SIPA1L1: variants seen among roughly 807,000 people sequenced by gnomAD.
SIPA1L1 encodes the protein signal induced proliferation associated 1 like 1, also known as signal-induced proliferation-associated 1-like protein 1.
A neutral mutation model predicts 162.7 loss-of-function variants in SIPA1L1; 26 were observed. The observed-to-expected ratio is 0.16, with a 90% CI of 0.12 to 0.22. The LOEUF (loss-of-function observed/expected upper bound fraction) is 0.22, where lower values mean the gene tolerates loss of function less well. Ranked by LOEUF, SIPA1L1 falls within the 10% of genes least tolerant of loss-of-function variation. The pLI is 1.00. For missense variants in SIPA1L1, 1,874 were observed against 2,241.0 expected (o/e 0.84, Z 3.31); for synonymous variants, 829 against 837.4 (o/e 0.99, Z 0.17).
At chr14:71,391,515 C>T (rs1052721240) in intron 2 of SIPA1L1, among the ~76,000 whole-genome samples, 2 of 152,264 alleles carry the variant, frequency 1.3e-5, no homozygotes, top group Middle Eastern at 6.8e-3. Context: ...CAGGTAAATG[C>T]TGCTTATGAG....
intron 2 of SIPA1L1, among the ~76,000 whole-genome samples, chr14:71,489,139 G>GATTTA (rs1174333662): frequency 6.6e-6 from 1 of 152,174 alleles, no homozygotes; most frequent in African/African-American, 2.4e-5. Context: ...TTTAAATGGA[G>GATTTA]GTCAGATTTA....
intron 2 of SIPA1L1, among the ~76,000 whole-genome samples, chr14:71,370,197 A>G (rs1400724692): frequency 5.0e-5 from 7 of 139,048 alleles, no homozygotes; most frequent in African/African-American, 1.3e-4. Context: ...TTCCAACACT[A>G]TGTTGAATAG....
intron 13 of SIPA1L1, 23 bp from the exon 14 acceptor site, chr14:71,698,958 A>G (rs770389928): frequency 4.3e-6 from 7 of 1,613,824 alleles, no homozygotes; most frequent in East Asian, 4.5e-5. Context: ...TGTTGACTTC[A>G]TGTTTTTGTA....
intron 12 of SIPA1L1, among the ~76,000 whole-genome samples, chr14:71,674,999 T>C (rs2044982711): frequency 6.6e-6 from 1 of 152,246 alleles, no homozygotes; most frequent in South Asian, 2.1e-4. Context: ...CCTTTCCTTA[T>C]ACACTAGAAT....
At chr14:71,638,101 A>G (rs943587635) in intron 7 of SIPA1L1, among the ~76,000 whole-genome samples, 4 of 152,192 alleles carry the variant, frequency 2.6e-5, no homozygotes, top group South Asian at 2.1e-4. Flanking sequence ...ACTGGGCCAG[A>G]TGGTTTTCCT....
At chr14:71,647,882 G>T (rs1411657765) in intron 7 of SIPA1L1, among the ~76,000 whole-genome samples, 1 of 140,658 alleles carries the variant, frequency 7.1e-6, no homozygotes, top group East Asian at 2.5e-4. Flanking sequence ...GTAGTGTGCA[G>T]CAAGTTTTAC....
intron 2 of SIPA1L1, among the ~76,000 whole-genome samples, chr14:71,428,422 GCTGT>G (rs1464469322): frequency 6.6e-6 from 1 of 150,666 alleles, no homozygotes; most frequent in Non-Finnish European, 1.5e-5. Context: ...TTTATTGTAG[GCTGT>G]CTGTGTGCTG....
intron 4 of SIPA1L1, among the ~76,000 whole-genome samples, chr14:71,551,580 T>C (rs1322585495): frequency 6.6e-6 from 1 of 152,254 alleles, no homozygotes; most frequent in African/African-American, 2.4e-5. Flanking sequence ...GCATCTCTGC[T>C]GATCCCACCT....
intron 4 of SIPA1L1, among the ~76,000 whole-genome samples, chr14:71,561,522 A>G (rs971114015): frequency 6.6e-6 from 1 of 152,172 alleles, no homozygotes; most frequent in Non-Finnish European, 1.5e-5. Flanking sequence ...GCAATTAAAA[A>G]TTTTTTTGTT....
intron 4 of SIPA1L1, among the ~76,000 whole-genome samples, chr14:71,553,008 G>A (rs957060374): frequency 1.3e-5 from 2 of 152,010 alleles, no homozygotes; most frequent in African/African-American, 2.4e-5. Flanking sequence ...TGCCAATAGC[G>A]CCTCCTCAGT....
At chr14:71,494,483 C>T (rs912326765) in intron 2 of SIPA1L1, among the ~76,000 whole-genome samples, 9 of 149,472 alleles carry the variant, frequency 6.0e-5, no homozygotes, top group African/African-American at 1.5e-4. Flanking sequence ...AGATGAATCC[C>T]GTTTGGTCAT....
At chr14:71,628,486 G>C (rs1055368088) in intron 7 of SIPA1L1, among the ~76,000 whole-genome samples, 12 of 152,186 alleles carry the variant, frequency 7.9e-5, no homozygotes, top group African/African-American at 2.9e-4. Flanking sequence ...GAGAGCTTCT[G>C]TTGTAGTTGA....
chr14:71,704,667 G>A (rs552929579), intron 15 of SIPA1L1: 1 of 1,368,244 alleles, frequency 7.3e-7, no homozygotes, highest in South Asian at 1.2e-5. Context: ...AGTCCAAAAG[G>A]AAGCAATTGT....
intron 2 of SIPA1L1, among the ~76,000 whole-genome samples, chr14:71,338,770 C>T (rs2035345753): frequency 6.6e-6 from 1 of 152,048 alleles, no homozygotes; most frequent in Non-Finnish European, 1.5e-5. Flanking sequence ...GACAGAGTCT[C>T]ACTTTGTTGC....
intron 2 of SIPA1L1, among the ~76,000 whole-genome samples, chr14:71,479,858 C>G (rs890059230): frequency 6.6e-6 from 1 of 152,186 alleles, no homozygotes; most frequent in African/African-American, 2.4e-5. Context: ...TCCCTAGTAG[C>G]TGGGACTACA....
intron 2 of SIPA1L1, among the ~76,000 whole-genome samples, chr14:71,355,687 A>G (rs1046971003): frequency 3.3e-5 from 5 of 152,230 alleles, no homozygotes; most frequent in African/African-American, 9.6e-5. Context: ...TTCTCCTTGC[A>G]TGGCAGAGGT....
At chr14:71,392,159 C>A (rs115128783) in intron 2 of SIPA1L1, among the ~76,000 whole-genome samples, 1,814 of 152,272 alleles carry the variant, frequency 0.012, 34 homozygotes, top group African/African-American at 0.041. Context: ...TCCCAATACC[C>A]ATTATCTCCT....
chr14:71,451,545 G>A (rs781309255), intron 2 of SIPA1L1, among the ~76,000 whole-genome samples: 14 of 151,152 alleles, frequency 9.3e-5, no homozygotes, highest in Admixed American at 3.3e-4. Flanking sequence ...TGAAGTGGGA[G>A]GATCACTTGA....
intron 2 of SIPA1L1, among the ~76,000 whole-genome samples, chr14:71,503,311 A>G (rs1043520691): frequency 6.6e-6 from 1 of 152,204 alleles, no homozygotes; most frequent in East Asian, 1.9e-4. Flanking sequence ...TGCTGAACCC[A>G]TGTGTATATT....
Sources: gnomAD v4.1 joint callset for allele counts (sites outside exome capture counted in the v4.1 genomes callset) on GRCh38, gnomAD v4.1.1 for gene constraint, MANE v1.5 for transcripts, NCBI Gene and HGNC (gene_info 2026-07-23, HGNC 2026-07-21) for gene names.